TUBB8: variants seen among roughly 807,000 people sequenced by gnomAD.
The protein encoded by TUBB8 is tubulin beta-8 chain.
In TUBB8, 25 loss-of-function variants were observed where a neutral mutation model predicts 33.7. That is an observed-to-expected ratio of 0.74 (90% CI 0.54 to 1.04). TUBB8 has a LOEUF of 1.04. Ranked by LOEUF, TUBB8 falls within the 50% of genes least tolerant of loss-of-function variation. The probability of loss-of-function intolerance (pLI) is 0.00; values close to 1 mark genes in which losing one functional copy is unlikely to be tolerated. For missense variants in TUBB8, 279 were observed against 608.0 expected (o/e 0.46, Z 5.69); for synonymous variants, 245 against 240.1 (o/e 1.02, Z -0.19).
intron 1 of TUBB8, among the ~76,000 whole-genome samples, chr10:60,367 A>G (rs1457129559): frequency 7.0e-6 from 1 of 143,224 alleles, no homozygotes; most frequent in African/African-American, 2.4e-5. Flanking sequence ...AATGAACTCA[A>G]ACAAATTTAC....
chr10:59,349 C>T (rs147891230), intron 1 of TUBB8, among the ~76,000 whole-genome samples: 57 of 151,162 alleles, frequency 3.8e-4, no homozygotes, highest in African/African-American at 1.0e-3. Context: ...CCACTGCACC[C>T]GGCTAATTTT....
intron 1 of TUBB8, among the ~76,000 whole-genome samples, chr10:57,531 C>G (rs372719047): frequency 6.6e-6 from 1 of 152,042 alleles, no homozygotes; most frequent in Non-Finnish European, 1.5e-5. Flanking sequence ...TGTACACTCA[C>G]AGGCCTAACA....
chr10:71,314 C>CAA (rs1378930097), intron 1 of TUBB8, among the ~76,000 whole-genome samples: 1 of 146,804 alleles, frequency 6.8e-6, no homozygotes, highest in South Asian at 2.2e-4. Context: ...GACTGCATCT[C>CAA]AAAAAAAAAG....
upstream of TUBB8, among the ~76,000 whole-genome samples, chr10:52,721 T>A (rs1311062537): frequency 7.9e-5 from 12 of 152,254 alleles, no homozygotes; most frequent in Non-Finnish European, 1.2e-4. Context: ...GTGGAAGATG[T>A]CTTGTATGGC....
At chr10:49,519 A>T, upstream of TUBB8, 1 of 645,426 alleles carries the variant, frequency 1.5e-6, no homozygotes, top group Non-Finnish European at 2.9e-6. Context: ...CGTCTTTAGT[A>T]AGACTAAATC....
At chr10:66,304 TCTG>T (rs1166586053) in intron 1 of TUBB8, among the ~76,000 whole-genome samples, 1 of 152,244 alleles carries the variant, frequency 6.6e-6, no homozygotes, top group African/African-American at 2.4e-5. Context: ...TACACAGTAA[TCTG>T]CTGTATTTCC....
chr10:69,496 T>C (rs1834709868), intron 1 of TUBB8, among the ~76,000 whole-genome samples: 1 of 152,216 alleles, frequency 6.6e-6, no homozygotes. Context: ...TCTCTAAGAA[T>C]CACCCGCAAT....
chr10:71,233 T>G (rs1438807377), intron 1 of TUBB8, among the ~76,000 whole-genome samples: 1 of 151,670 alleles, frequency 6.6e-6, no homozygotes. Flanking sequence ...GAGAATCGCT[T>G]GAGTCCAGGA....
At position 47,687 on chromosome 10, in the gene TUBB8, C is replaced by A; in HGVS notation, c.705G>T (p.Gly235=). The stretch of plus-strand genomic sequence containing the variant: ...CCGGGAAGCGCAGGCACGTGGTGAC[C>A]CCACTCATGGTAGCAGACACCAGGT... ...LNHLVSATMS[G]VTTCLRFPGQ... is the part of the protein sequence containing the mutation. Residue 235 remains glycine, a synonymous_variant, in exon 4 of 4, where the codon GGG becomes GGT. Transcript: ENST00000568584. 6.2e-7 allele frequency: 1 copy of A among 1,611,780 alleles called. No individual in the cohort carries two copies. Among genetic ancestry groups the A allele is most frequent in the Non-Finnish European group, 8.5e-7 (1 of 1,179,750 alleles).
At chr10:63,398 CTT>C (rs1293538154) in intron 1 of TUBB8, among the ~76,000 whole-genome samples, 1 of 152,226 alleles carries the variant, frequency 6.6e-6, no homozygotes, top group Non-Finnish European at 1.5e-5. Context: ...ACTCTTATCT[CTT>C]TTTCTACCAC....
At chr10:68,184 C>G (rs1834695025) in intron 1 of TUBB8, among the ~76,000 whole-genome samples, 1 of 152,178 alleles carries the variant, frequency 6.6e-6, no homozygotes, top group African/African-American at 2.4e-5. Context: ...TATCGTAATA[C>G]TGATATGACA....
exon 1 of TUBB8, chr10:74,056 T>G (rs377744782): frequency 2.6e-5 from 4 of 153,522 alleles, no homozygotes; most frequent in African/African-American, 9.7e-5. Context: ...CGGCCCCTCC[T>G]GGGTGGGTGC....
intron 3 of TUBB8, chr10:48,385 C>G: frequency 1.6e-6 from 1 of 637,830 alleles, no homozygotes; most frequent in Middle Eastern, 3.4e-4. Context: ...ACGGCCCCAG[C>G]TCAGGTTCTT....
intron 1 of TUBB8, among the ~76,000 whole-genome samples, chr10:58,496 A>C (rs1479000355): frequency 3.3e-5 from 5 of 152,214 alleles, no homozygotes; most frequent in African/African-American, 1.2e-4. Context: ...GTGGCTCATG[A>C]TTCTACAGGC....
upstream of TUBB8, among the ~76,000 whole-genome samples, chr10:76,182 G>A (rs1421542237): frequency 1.3e-5 from 2 of 149,936 alleles, no homozygotes; most frequent in South Asian, 2.1e-4. Context: ...ATCAGGGGGC[G>A]TCTGTTTCCT....
intron 1 of TUBB8, among the ~76,000 whole-genome samples, chr10:60,551 G>T (rs1285905088): frequency 6.6e-6 from 1 of 152,148 alleles, no homozygotes; most frequent in Non-Finnish European, 1.5e-5. Context: ...AGTTAGAATG[G>T]CAATCATTAA....
Position 47,521 on chromosome 10 carries a change from G to T in TUBB8, c.871C>A (p.Gln291Lys). Residue 291 changes from glutamine (Q) to lysine (K), a missense_variant, in exon 4 of 4, where the codon CAG (glutamine) becomes AAG (lysine). By Grantham distance (53) the Gln-to-Lys change is moderately conservative (BLOSUM62 1). Around this residue, in one of 4 missense-constraint regions of TUBB8, gnomAD observed 123 missense variants for 228.9 expected, o/e 0.54. Coordinates refer to ENST00000568584, the MANE Select transcript of TUBB8 (RefSeq NM_177987.3). ...YRALTVAELT[Q>K]QMFDAKNMMA... Reference sequence around the variant, plus strand: ...ATGTTCTTAGCATCAAACATCTGCTGGGTAAGCTCAGCCACAGTCAAGGCC... The same window carrying T: ...ATGTTCTTAGCATCAAACATCTGCTTGGTAAGCTCAGCCACAGTCAAGGCC... 1 of 1,612,194 alleles carries T rather than the reference G, an allele frequency of 6.2e-7. No individual in the cohort carries two copies. Among genetic ancestry groups the T allele is most frequent in the Non-Finnish European group, 8.5e-7 (1 of 1,180,030 alleles).
chr10:71,934 A>C (rs527637419), intron 1 of TUBB8, among the ~76,000 whole-genome samples: 1 of 150,352 alleles, frequency 6.7e-6, no homozygotes, highest in East Asian at 2.0e-4. Context: ...TCAATCAATA[A>C]AAATGTAAAG....
intron 1 of TUBB8, among the ~76,000 whole-genome samples, chr10:63,335 C>G (rs1384140366): frequency 6.6e-6 from 1 of 152,242 alleles, no homozygotes; most frequent in African/African-American, 2.4e-5. Context: ...CTCGGCCTCC[C>G]AAAGTGCTGG....
Sources: allele counts gnomAD v4.1 joint callset (sites outside exome capture counted in the v4.1 genomes callset), GRCh38; gene constraint gnomAD v4.1.1; regional missense constraint gnomAD v4.1.1; transcripts MANE v1.5; gene names NCBI Gene and HGNC (gene_info 2026-07-23, HGNC 2026-07-21).